DIAPH1: variants seen among roughly 807,000 people sequenced by gnomAD.
DIAPH1 encodes diaphanous related formin 1.
Under a neutral mutation model 140.7 loss-of-function variants are expected in DIAPH1, and 46 were observed. That is an observed-to-expected ratio of 0.33 (90% CI 0.26 to 0.42). DIAPH1 has a LOEUF of 0.42. DIAPH1 is among the 10% of genes least tolerant of loss of function. The pLI is 1.00. For missense variants in DIAPH1, 1,310 were observed against 1,558.7 expected, an observed-to-expected ratio of 0.84 and a Z score of 2.69; for synonymous variants, 565 against 551.6, an observed-to-expected ratio of 1.02 and a Z score of -0.34.
At chr5:141,517,197 A>T (rs780988056) in intron 27 of DIAPH1, among the ~76,000 whole-genome samples, 189 bp from the exon 28 acceptor site, 36 of 152,192 alleles carry the variant, frequency 2.4e-4, no homozygotes, top group Non-Finnish European at 4.6e-4. Context: ...AAAGAATGTA[A>T]GAGAGTGTGG....
chr5:141,618,968 GCTCCGCGCCCGCC>G lies in DIAPH1; in HGVS notation c.-67_-55del. ...GCGCCTACGCCGCTCCCGCCTGGCA[GCTCCGCGCCCGCC>G]GCCGCCCAGTCGCTCTTTAGCCAGC... On this transcript the variant is annotated 5_prime_UTR_variant, in exon 1 of 28. Transcript: ENST00000389054. 2 of 1,047,332 alleles carry G rather than the reference GCTCCGCGCCCGCC, an allele frequency of 1.9e-6. No homozygotes were observed. The highest frequency in any genetic ancestry group is 4.3e-5 in the South Asian group (2 of 46,066). The allele number at this position is 1,047,332 out of a possible 1,614,324, so 64.9% of individuals were successfully genotyped here.
rs1211180893 is a variant in DIAPH1 at position 141,562,569 on chromosome 5, T to C, written c.2482+8859A>G. On this transcript the variant is annotated intron_variant, in intron 18 of 27. Transcript: ENST00000389054. ...GAATACTAGGGTGGGAATGAGACTTTTTTATACTGTTTTGACTTCTGAACC... is the reference window on the plus strand; with the variant it reads ...GAATACTAGGGTGGGAATGAGACTTCTTTATACTGTTTTGACTTCTGAACC... Among the ~76,000 whole-genome samples, 4 of 151,614 alleles carry C rather than the reference T, an allele frequency of 2.6e-5. No homozygotes were observed. The East Asian group carries it at 7.7e-4, about 29-fold the overall frequency.
intron 26 of DIAPH1, among the ~76,000 whole-genome samples, chr5:141,525,668 G>A (rs956996873): frequency 2.6e-5 from 4 of 152,170 alleles, no homozygotes; most frequent in South Asian, 2.1e-4. Flanking sequence ...GATGGGAGGA[G>A]CGTCAGGAAA....
At chr5:141,603,846 G>C (rs866187179) in intron 1 of DIAPH1, among the ~76,000 whole-genome samples, 1 of 152,134 alleles carries the variant, frequency 6.6e-6, no homozygotes, top group Non-Finnish European at 1.5e-5. Context: ...CTTGGGGAAA[G>C]GGAAAAAGTA....
chr5:141,615,716 C>A (rs1358043627), intron 1 of DIAPH1, among the ~76,000 whole-genome samples: 1 of 152,064 alleles, frequency 6.6e-6, no homozygotes, highest in Non-Finnish European at 1.5e-5. Flanking sequence ...GCACTCCAGC[C>A]TGGGCAACAG....
intron 26 of DIAPH1, 97 bp from the exon 27 acceptor site, chr5:141,524,326 C>T: frequency 1.7e-6 from 2 of 1,149,512 alleles, no homozygotes; most frequent in East Asian, 4.7e-5. Context: ...TGCTTGATTT[C>T]CCCTCTCCCA....
At chr5:141,539,650 G>A (rs1357928281) in intron 18 of DIAPH1, among the ~76,000 whole-genome samples, 3 of 151,802 alleles carry the variant, frequency 2.0e-5, no homozygotes, top group Non-Finnish European at 4.4e-5. Flanking sequence ...TTTTTCTTGC[G>A]TCAGTTTTGG....
chr5:141,599,887 GTTTT>G (rs1340529776), intron 1 of DIAPH1, among the ~76,000 whole-genome samples: 2 of 151,940 alleles, frequency 1.3e-5, no homozygotes, highest in African/African-American at 4.8e-5. Flanking sequence ...TTTGGTCTAT[GTTTT>G]TTTGTTTGTT....
In DIAPH1 at chr5:141,528,469, C is replaced by G. The variant is rs748218553; in HGVS notation, c.3132G>C (p.Val1044=). 17 of 1,614,114 alleles carry G rather than the reference C, an allele frequency of 1.1e-5. No individual in the cohort carries two copies. The highest frequency in any genetic ancestry group is 1.6e-4 in the Middle Eastern group (1 of 6,084). The stretch of plus-strand genomic sequence containing the variant: ...CTGCCCCACCTCGGCTGGCTTTCTC[C>G]ACATGGGCAAGCTCGTCTGGAAACT... ...VLKFPDELAH[V]EKASRVSAEN... is the part of the protein sequence containing the mutation. Residue 1044 remains valine (V), a synonymous_variant, in exon 23 of 28, where the codon GTG becomes GTC. Transcript: ENST00000389054.
intron 18 of DIAPH1, among the ~76,000 whole-genome samples, chr5:141,561,064 G>C (rs79517926): frequency 5.9e-5 from 9 of 151,642 alleles, no homozygotes; most frequent in Non-Finnish European, 1.5e-5. Flanking sequence ...TCAACTGCGC[G>C]CACCCCGTGG....
intron 1 of DIAPH1, among the ~76,000 whole-genome samples, chr5:141,589,299 T>C (rs898151791): frequency 7.2e-5 from 11 of 152,242 alleles, no homozygotes; most frequent in African/African-American, 2.4e-4. Flanking sequence ...CAGATGGATG[T>C]AGTGTTACAG....
intron 1 of DIAPH1, among the ~76,000 whole-genome samples, chr5:141,613,682 T>C (rs1429895539): frequency 3.3e-5 from 5 of 152,216 alleles, no homozygotes; most frequent in Non-Finnish European, 5.9e-5. Context: ...TTGTAATCAG[T>C]GGTAAAATTC....
intron 25 of DIAPH1, 55 bp from the exon 26 acceptor site, chr5:141,526,228 C>G (rs1459626830): frequency 1.2e-6 from 2 of 1,613,972 alleles, no homozygotes; most frequent in African/African-American, 1.3e-5. Context: ...CTACTACCAG[C>G]CAACAGGAAC....
intron 1 of DIAPH1, among the ~76,000 whole-genome samples, 158 bp downstream of exon 1, chr5:141,618,640 G>C (rs2099903089): frequency 6.6e-6 from 1 of 152,186 alleles, no homozygotes; most frequent in African/African-American, 2.4e-5. Context: ...GTCCCGAAGG[G>C]AGAGGATGTC....
At chr5:141,594,935 G>A (rs1382162049) in intron 1 of DIAPH1, among the ~76,000 whole-genome samples, 1 of 151,720 alleles carries the variant, frequency 6.6e-6, no homozygotes, top group Non-Finnish European at 1.5e-5. Flanking sequence ...CAGCTACTTG[G>A]GAGGCTGAGG....
At chr5:141,527,317 AG>A (rs1222721298) in intron 24 of DIAPH1, among the ~76,000 whole-genome samples, 2 of 152,126 alleles carry the variant, frequency 1.3e-5, no homozygotes, top group Admixed American at 1.3e-4. Flanking sequence ...AAGGAGGCTG[AG>A]GGGGTAAGGA....
At chr5:141,573,303 C>T (rs1023182390) in intron 16 of DIAPH1, among the ~76,000 whole-genome samples, 189 bp downstream of exon 16, 6 of 151,844 alleles carry the variant, frequency 4.0e-5, no homozygotes, top group Admixed American at 1.3e-4. Flanking sequence ...GGCGTGGTGG[C>T]GCGCGCCTAT....
rs752822974 is a variant in DIAPH1, at chr5:141,584,107, C to T, written c.402+17G>A. ...GGCACAGTCTCCCATGTCATGGGTA[C>T]CTGTCCCAGGACTCACAGCCTTGGA... On this transcript the variant is annotated intron_variant, in intron 4 of 27. Coordinates refer to ENST00000389054, the MANE Select transcript of DIAPH1 (RefSeq NM_005219.5). 2 of 1,521,162 alleles carry T rather than the reference C, an allele frequency of 1.3e-6. No individual in the cohort carries two copies. Among genetic ancestry groups the T allele is most frequent in the East Asian group, 2.2e-5 (1 of 44,462 alleles). The allele number at this position is 1,521,162 out of a possible 1,614,324, so 94.2% of individuals were successfully genotyped here. A position where few individuals can be genotyped will look rare whatever the true frequency, so the allele number is the denominator to read the frequency against.
At chr5:141,524,010 G>A (rs2099886938) in intron 27 of DIAPH1, 133 bp downstream of exon 27, 4 of 823,480 alleles carry the variant, frequency 4.9e-6, no homozygotes, top group Non-Finnish European at 8.5e-6. Flanking sequence ...AAGAGGACTA[G>A]ATAATCCGTT....
Sources: allele counts gnomAD v4.1 joint callset (sites outside exome capture counted in the v4.1 genomes callset), GRCh38; gene constraint gnomAD v4.1.1; transcripts MANE v1.5; gene names NCBI Gene and HGNC (gene_info 2026-07-23, HGNC 2026-07-21).